The following ZDHHC3 variants were observed in gnomAD, a reference collection of about 807,000 sequenced individuals.
The protein encoded by ZDHHC3 is zDHHC palmitoyltransferase 3, also known as palmitoyltransferase ZDHHC3.
In ZDHHC3, 9 loss-of-function variants were observed where a neutral mutation model predicts 30.6. The ratio of observed to expected loss-of-function variants is 0.29; its 90% confidence interval spans 0.18 to 0.51. The LOEUF is 0.51. Among genes scored for constraint, ZDHHC3 ranks in the 20% least tolerant of loss-of-function variants. The pLI is 0.97. For missense variants in ZDHHC3, 246 were observed against 384.2 expected (o/e 0.64, Z 3.01); for synonymous variants, 136 against 140.2 (o/e 0.97, Z 0.21).
chr3:44,968,504 G>A (rs1705145110), intron 1 of ZDHHC3, among the ~76,000 whole-genome samples: 1 of 152,124 alleles, frequency 6.6e-6, no homozygotes, highest in Non-Finnish European at 1.5e-5. Context: ...AGACTAGCCT[G>A]GGCAATATAG....
chr3:44,961,326 A>T (rs1704463025), intron 1 of ZDHHC3, among the ~76,000 whole-genome samples: 1 of 152,202 alleles, frequency 6.6e-6, no homozygotes, highest in South Asian at 2.1e-4. Flanking sequence ...CAGGAGGCGG[A>T]GCTTGCAGTG....
chr3:44,970,083 C>T (rs945230540), intron 1 of ZDHHC3, among the ~76,000 whole-genome samples: 2 of 152,144 alleles, frequency 1.3e-5, no homozygotes, highest in African/African-American at 2.4e-5. Context: ...TAGAGAAATC[C>T]GAAAGACTAG....
chr3:44,922,964 A>G lies in ZDHHC3; in HGVS notation c.*3725T>C. The G allele has an allele frequency of 2.0e-6, 2 of 985,346 alleles. No homozygotes were observed. Among genetic ancestry groups the G allele is most frequent in the Non-Finnish European group, 2.4e-6 (2 of 829,908 alleles). The allele number at this position is 985,346 out of a possible 1,614,324, so 61.0% of individuals were successfully genotyped here. ...CTCACCCTTTAAGCTGATGCACTGC[A>G]AGTCTTGAAAAGAGAGAAATTTAAA... On this transcript the variant is annotated 3_prime_UTR_variant, in exon 7 of 7. Coordinates refer to ENST00000424952, the MANE Select transcript of ZDHHC3 (RefSeq NM_001135179.2).
At chr3:44,960,066 C>T (rs1040518915) in intron 1 of ZDHHC3, among the ~76,000 whole-genome samples, 4 of 152,162 alleles carry the variant, frequency 2.6e-5, no homozygotes, top group African/African-American at 9.7e-5. Flanking sequence ...CCCAGGCCAG[C>T]CTGGCAATTT....
Position 44,933,916 on chromosome 3 carries a change from T to C in ZDHHC3, c.500A>G (p.Asn167Ser), listed in dbSNP as rs751341549. Residue 167 changes from asparagine (N) to serine (S), a missense_variant, in exon 4 of 7, where the codon AAC becomes AGC. Coordinates refer to ENST00000424952, the MANE Select transcript of ZDHHC3 (RefSeq NM_001135179.2). ...CPWVNNCVGENNQKYFVLFTM... is the reference protein window; with the variant it reads ...CPWVNNCVGESNQKYFVLFTM... ...AAACAGGACGAAGTACTTCTGGTTG[T>C]TCTCGCCTACACAGTTGTTGACCCA... 1.9e-6 allele frequency: 3 copies of C among 1,614,194 alleles called. No individual in the cohort carries two copies. The Admixed American group carries it at 5.0e-5, about 27-fold the overall frequency.
chr3:44,959,318 C>T lies in ZDHHC3; in HGVS notation c.119G>A (p.Arg40His), dbSNP rs1007580809. 6.2e-6 allele frequency: 10 copies of T among 1,614,228 alleles called. No homozygotes were observed. The highest frequency in any genetic ancestry group is 3.3e-5 in the South Asian group (3 of 91,086). ...PGPVGTMWFI[R>H]DGCGIACAIV... The stretch of plus-strand genomic sequence containing the variant: ...GGCACAGGCGATGCCACAGCCGTCA[C>T]GGATAAACCACATGGTTCCCACAGG... The change falls in exon 2 of 7, where the codon CGT becomes CAT. Residue 40 changes from arginine to histidine, a missense_variant. Physicochemically the swap from Arg to His is conservative, Grantham distance 29. Coordinates refer to ENST00000424952, the MANE Select transcript of ZDHHC3 (RefSeq NM_001135179.2). The surrounding 1 kb of genome is among the most constrained non-coding windows in gnomAD (Gnocchi z 4.3).
rs758848837 is a variant in ZDHHC3 at position 44,945,162 on chromosome 3, G to C, written c.431+6C>G. 2 of 1,613,860 alleles carry C rather than the reference G, an allele frequency of 1.2e-6. No homozygotes were observed. The highest frequency in any genetic ancestry group is 4.5e-5 in the East Asian group (2 of 44,890). ...GAAGAGAGGAGGCGAGCCCCAGTGA[G>C]TGTACCTGCAGTGGTGGGCTCGGTC... On this transcript the variant is annotated splice_donor_region_variant and intron_variant, in intron 3 of 6. Coordinates refer to ENST00000424952, the MANE Select transcript of ZDHHC3 (RefSeq NM_001135179.2).
chr3:44,926,509 A>C lies in ZDHHC3; in HGVS notation c.*180T>G, dbSNP rs944747920. ...AAAGAAATCGAAAGGATGGTTTTTA[A>C]AAAATAAAATGTGGGGACTTTTTTT... On this transcript the variant is annotated 3_prime_UTR_variant, in exon 7 of 7. Coordinates refer to ENST00000424952, the MANE Select transcript of ZDHHC3 (RefSeq NM_001135179.2). 7.8e-7 allele frequency: 1 copy of C among 1,281,968 alleles called. No homozygotes were observed. Among genetic ancestry groups the C allele is most frequent in the African/African-American group, 1.5e-5 (1 of 65,424 alleles). The allele number at this position is 1,281,968 out of a possible 1,614,324, so 79.4% of individuals were successfully genotyped here. A position where few individuals can be genotyped will look rare whatever the true frequency, so the allele number is the denominator to read the frequency against.
chr3:44,958,351 T>A (rs773184846), intron 2 of ZDHHC3, among the ~76,000 whole-genome samples: 3 of 152,200 alleles, frequency 2.0e-5, no homozygotes, highest in Non-Finnish European at 4.4e-5. Context: ...GTATGGCCAG[T>A]GTCACTGCTA....
In ZDHHC3 at chr3:44,926,585, G is replaced by C; in HGVS notation, c.*104C>G. 1 of 1,293,326 alleles carries C rather than the reference G, an allele frequency of 7.7e-7. No homozygotes were observed. 80.1% of individuals were successfully genotyped at this position (1,293,326 alleles called of 1,614,324 possible). On this transcript the variant is annotated 3_prime_UTR_variant, in exon 7 of 7. Coordinates refer to ENST00000424952, the MANE Select transcript of ZDHHC3 (RefSeq NM_001135179.2). ...ACTTGAGACATAAAAAAAGTTTTAA[G>C]AGTAGTTGTTTTGCTTTTTCGATTT...
chr3:44,929,229 C>A, intron 6 of ZDHHC3, 77 bp downstream of exon 6: 1 of 1,555,878 alleles, frequency 6.4e-7, no homozygotes, highest in Non-Finnish European at 8.7e-7. Context: ...TGACTGTGAG[C>A]AGCTCTCCCA....
chr3:44,938,095 T>G (rs1702132765), intron 3 of ZDHHC3: 1 of 240,802 alleles, frequency 4.2e-6, no homozygotes, highest in African/African-American at 2.3e-5. Context: ...GCAATTCTCC[T>G]GCCTCAGCCT....
intron 4 of ZDHHC3, chr3:44,933,578 T>A: frequency 3.7e-6 from 2 of 533,382 alleles, no homozygotes; most frequent in East Asian, 6.6e-5. Context: ...TCCACCTACC[T>A]GCACCTCAGG....
intron 1 of ZDHHC3, among the ~76,000 whole-genome samples, chr3:44,961,161 G>C (rs1044376495): frequency 2.0e-5 from 3 of 152,238 alleles, no homozygotes; most frequent in Non-Finnish European, 2.9e-5. Context: ...GGGAGGCCAA[G>C]GCGGGTGGAT....
At chr3:44,962,118 G>A (rs1454357682) in intron 1 of ZDHHC3, among the ~76,000 whole-genome samples, 4 of 152,080 alleles carry the variant, frequency 2.6e-5, no homozygotes, top group Non-Finnish European at 4.4e-5. Flanking sequence ...TGCAGCCTGC[G>A]GACCACTTCC....
At chr3:44,953,348 A>G (rs1487701182) in intron 2 of ZDHHC3, among the ~76,000 whole-genome samples, 1 of 152,236 alleles carries the variant, frequency 6.6e-6, no homozygotes, top group Non-Finnish European at 1.5e-5. Flanking sequence ...TCATTCTACC[A>G]CCACCAACTA....
At chr3:44,975,729 C>T (rs1705882897) in intron 1 of ZDHHC3, among the ~76,000 whole-genome samples, 1 of 151,406 alleles carries the variant, frequency 6.6e-6, no homozygotes, top group Non-Finnish European at 1.5e-5. Context: ...TCACGACGTC[C>T]GCCCCTCCTT....
In ZDHHC3 at chr3:44,926,527, CT is replaced by C. The variant is rs34221393; in HGVS notation, c.*161del. On this transcript the variant is annotated 3_prime_UTR_variant, in exon 7 of 7. Coordinates refer to ENST00000424952, the MANE Select transcript of ZDHHC3 (RefSeq NM_001135179.2). ...GTTTTTAAAAAATAAAATGTGGGGA[CT>C]TTTTTTTTTCTCTGCAATGCTCAGC... is the stretch of plus-strand genomic sequence containing the variant. 538 of 1,200,598 alleles carry C rather than the reference CT, an allele frequency of 4.5e-4. No individual in the cohort carries two copies. The highest frequency in any genetic ancestry group is 1.2e-3 in the South Asian group (34 of 27,618). The allele number at this position is 1,200,598 out of a possible 1,614,324, so 74.4% of individuals were successfully genotyped here. A position where few individuals can be genotyped will look rare whatever the true frequency, so the allele number is the denominator to read the frequency against.
chr3:44,954,182 T>A (rs965054856), intron 2 of ZDHHC3, among the ~76,000 whole-genome samples: 1 of 151,728 alleles, frequency 6.6e-6, no homozygotes, highest in Non-Finnish European at 1.5e-5. Context: ...AGCAAGGTGT[T>A]CACAGAGTGG....
Sources: allele counts gnomAD v4.1 joint callset (sites outside exome capture counted in the v4.1 genomes callset), GRCh38; gene constraint gnomAD v4.1.1; non-coding constraint Gnocchi (gnomAD v3.1); transcripts MANE v1.5; gene names NCBI Gene and HGNC (gene_info 2026-07-23, HGNC 2026-07-21).